Variants in ARHGEF3 observed in about 807,000 individuals in gnomAD.
ARHGEF3 encodes Rho guanine nucleotide exchange factor 3.
ARHGEF3 carries 28 observed loss-of-function variants against 63.2 expected under a neutral mutation model. The observed-to-expected ratio is 0.44, with a 90% CI of 0.33 to 0.61. The LOEUF (loss-of-function observed/expected upper bound fraction) is 0.61, where lower values mean the gene tolerates loss of function less well. ARHGEF3 is among the 20% of genes least tolerant of loss of function. The pLI is 0.03. For synonymous variants in ARHGEF3, 266 were observed against 254.2 expected, an observed-to-expected ratio of 1.05 and a Z score of -0.44; for missense variants, 533 against 659.3, an observed-to-expected ratio of 0.81 and a Z score of 2.10.
rs187463753 is a variant in ARHGEF3, at chr3:56,757,335, G to A, written c.205-2184C>T. 9.9e-3 allele frequency among the ~76,000 whole-genome samples: 1,508 copies of A among 152,192 alleles called. 26 individuals are homozygous for A. The highest frequency in any genetic ancestry group is 0.035 in the African/African-American group (1,436 of 41,528). On this transcript the variant is annotated intron_variant, in intron 2 of 9. Transcript: ENST00000296315. Reference sequence around the variant, plus strand: ...TAAAAGTACAAAAATTAGCCGGGGCGTGGTGGCATGTGCCTGTAATCCCAG... The same window carrying A: ...TAAAAGTACAAAAATTAGCCGGGGCATGGTGGCATGTGCCTGTAATCCCAG...
chr3:56,984,860 A>G (rs1701472035), intron 2 of ARHGEF3, among the ~76,000 whole-genome samples: 1 of 152,196 alleles, frequency 6.6e-6, no homozygotes, highest in Non-Finnish European at 1.5e-5. Flanking sequence ...TGGACAGTAG[A>G]AAAGGATCCT....
intron 1 of ARHGEF3, among the ~76,000 whole-genome samples, chr3:56,781,609 A>G (rs1433848358): frequency 6.6e-6 from 1 of 152,202 alleles, no homozygotes; most frequent in Non-Finnish European, 1.5e-5. Context: ...TGTTGTTTTA[A>G]GCCACCTAGC....
At chr3:56,746,730 A>C (rs1476365268) in intron 6 of ARHGEF3, among the ~76,000 whole-genome samples, 2 of 148,358 alleles carry the variant, frequency 1.3e-5, no homozygotes, top group African/African-American at 4.9e-5. Flanking sequence ...ACTCTGTCTC[A>C]AAAAAAAAAA....
intron 2 of ARHGEF3, among the ~76,000 whole-genome samples, chr3:56,965,681 C>T (rs541350884): frequency 2.2e-4 from 32 of 144,936 alleles, no homozygotes; most frequent in African/African-American, 7.3e-4. Context: ...CGGAGTCTCG[C>T]TCTGTCGCCC....
Position 56,942,747 on chromosome 3 carries a change from A to G in ARHGEF3, c.129+16076T>C, listed in dbSNP as rs572984446. On this transcript the variant is annotated intron_variant, in intron 3 of 12. Coordinates refer to the ARHGEF3 transcript ENST00000338458. ...CAGCCGAGTTGTAAGTGCAAAGGAA[A>G]AGTTCTTGAAGGAAATTGAAAGTGC... 6.1e-4 allele frequency among the ~76,000 whole-genome samples: 93 copies of G among 152,346 alleles called. 1 individual carries two copies. The highest frequency in any genetic ancestry group is 2.1e-3 in the African/African-American group (87 of 41,580).
intron 9 of ARHGEF3, chr3:56,731,594 G>A (rs62251259): frequency 0.08 from 12,063 of 149,870 alleles, 723 homozygotes; most frequent in African/African-American, 0.1. Context: ...TTCCCTTACC[G>A]GGTTTTAAGT....
intron 3 of ARHGEF3, among the ~76,000 whole-genome samples, chr3:56,888,917 A>G (rs2041018642): frequency 6.6e-6 from 1 of 151,940 alleles, no homozygotes; most frequent in African/African-American, 2.4e-5. Flanking sequence ...AAAAAACAAA[A>G]ACAAAAACAA....
At chr3:56,846,198 C>T (rs949237638) in intron 4 of ARHGEF3, among the ~76,000 whole-genome samples, 1 of 152,194 alleles carries the variant, frequency 6.6e-6, no homozygotes, top group Non-Finnish European at 1.5e-5. Context: ...TTCACTCCAA[C>T]CTAAGGGAGC....
chr3:56,869,724 A>G (rs1220849910), intron 4 of ARHGEF3, among the ~76,000 whole-genome samples: 2 of 152,208 alleles, frequency 1.3e-5, no homozygotes, highest in Admixed American at 6.5e-5. Flanking sequence ...GGTAAACTCA[A>G]TTAGCTGGGC....
chr3:57,051,734 T>C (rs771904721), intron 1 of ARHGEF3, among the ~76,000 whole-genome samples: 1 of 151,964 alleles, frequency 6.6e-6, no homozygotes, highest in Non-Finnish European at 1.5e-5. Context: ...GAGGCCGAGG[T>C]GGGTGGATCA....
intron 1 of ARHGEF3, among the ~76,000 whole-genome samples, chr3:56,801,147 C>G (rs1328702965): frequency 2.0e-5 from 3 of 152,234 alleles, no homozygotes; most frequent in Non-Finnish European, 4.4e-5. Context: ...CCCCAGCCCC[C>G]CGGCTGAATG....
intron 2 of ARHGEF3, among the ~76,000 whole-genome samples, chr3:57,005,569 C>T (rs574125086): frequency 3.9e-5 from 6 of 152,330 alleles, no homozygotes; most frequent in African/African-American, 1.2e-4. Context: ...CTAAACAAGC[C>T]TAGCATTTCA....
At chr3:56,858,373 G>A (rs910755488) in intron 4 of ARHGEF3, among the ~76,000 whole-genome samples, 1 of 151,890 alleles carries the variant, frequency 6.6e-6, no homozygotes, top group Non-Finnish European at 1.5e-5. Flanking sequence ...ATTTTAATGG[G>A]TTTAAGCCTA....
intron 3 of ARHGEF3, among the ~76,000 whole-genome samples, chr3:56,923,269 A>T (rs1341175947): frequency 1.4e-5 from 2 of 145,096 alleles, no homozygotes. Context: ...GGGCCATCAT[A>T]CTATTGTTTC....
At chr3:56,774,923 CAACA>C in intron 1 of ARHGEF3, 2 of 1,193,754 alleles carry the variant, frequency 1.7e-6, no homozygotes, top group Non-Finnish European at 2.2e-6. Context: ...ACAACAACAA[CAACA>C]AAAAAAAAAC....
At chr3:57,032,647 A>G (rs1268375573) in intron 2 of ARHGEF3, among the ~76,000 whole-genome samples, 1 of 152,192 alleles carries the variant, frequency 6.6e-6, no homozygotes, top group Non-Finnish European at 1.5e-5. Flanking sequence ...AATGAGATAA[A>G]CAGGCCAAGT....
In ARHGEF3 at chr3:56,905,320, G is replaced by A. The variant is rs150353134; in HGVS notation, c.130-22966C>T. ...CCAGACCAGCCCTAGACATAAATAA[G>A]CAAATCATCTATTTTACCCAATGCT... On this transcript the variant is annotated intron_variant, in intron 3 of 12. Coordinates refer to the ARHGEF3 transcript ENST00000338458. Among the ~76,000 whole-genome samples the A allele has an allele frequency of 3.7e-3, 566 of 152,222 alleles. 2 individuals are homozygous for A. Among genetic ancestry groups the A allele is most frequent in the Non-Finnish European group, 6.0e-3 (407 of 68,018 alleles).
intron 3 of ARHGEF3, among the ~76,000 whole-genome samples, chr3:56,912,410 C>T (rs1170530804): frequency 6.6e-6 from 1 of 152,128 alleles, no homozygotes; most frequent in African/African-American, 2.4e-5. Context: ...TGGGAAGGAC[C>T]CCACATTAAA....
intron 2 of ARHGEF3, among the ~76,000 whole-genome samples, chr3:56,764,509 A>G (rs1414915491): frequency 6.6e-6 from 1 of 152,012 alleles, no homozygotes; most frequent in East Asian, 1.9e-4. Context: ...CAGGAGAGGC[A>G]CTCTGAACAC....
Sources: gnomAD v4.1 joint callset for allele counts (sites outside exome capture counted in the v4.1 genomes callset) on GRCh38, gnomAD v4.1.1 for gene constraint, MANE v1.5 for transcripts, NCBI Gene and HGNC (gene_info 2026-07-23, HGNC 2026-07-21) for gene names.